Variants in NSRP1 observed in about 807,000 individuals in gnomAD.
The protein encoded by NSRP1 is nuclear speckle splicing regulatory protein 1, also known as coiled-coil domain containing 55.
In NSRP1, 24 loss-of-function variants were observed where a neutral mutation model predicts 54.7. That is an observed-to-expected ratio of 0.44 (90% confidence interval 0.32 to 0.62). The LOEUF is 0.62. NSRP1 is among the 20% of genes least tolerant of loss of function. The pLI is 0.06. For synonymous variants in NSRP1, 210 were observed against 213.8 expected (o/e 0.98, Z 0.15); for missense variants, 596 against 651.2 (o/e 0.92, Z 0.92).
intron 2 of NSRP1, among the ~76,000 whole-genome samples, chr17:30,145,781 G>T (rs2071849160): frequency 6.6e-6 from 1 of 151,362 alleles, no homozygotes; most frequent in Non-Finnish European, 1.5e-5. Context: ...TCATTATGTT[G>T]TATTTCCGTA....
At chr17:30,149,534 GA>G (rs1198889553) in intron 2 of NSRP1, among the ~76,000 whole-genome samples, 1 of 152,030 alleles carries the variant, frequency 6.6e-6, no homozygotes, top group Non-Finnish European at 1.5e-5. Context: ...CAACTTTATT[GA>G]GATAAAGTTC....
intron 2 of NSRP1, among the ~76,000 whole-genome samples, chr17:30,147,744 T>G (rs2071870350): frequency 6.6e-6 from 1 of 151,874 alleles, no homozygotes; most frequent in African/African-American, 2.4e-5. Flanking sequence ...ATTACAGGTG[T>G]GAGCCAGTGC....
chr17:30,184,732 T>G lies in NSRP1; in HGVS notation c.735T>G (p.Asp245Glu). The G allele has an allele frequency of 6.2e-7, 1 of 1,614,088 alleles. No homozygotes were observed. The highest frequency in any genetic ancestry group is 1.6e-4 in the Middle Eastern group (1 of 6,062). The change falls in exon 7 of 7, where the codon GAT becomes GAG. Residue 245 changes from aspartate to glutamate, a missense_variant. Transcript: ENST00000247026. ...QTDVKVEENP[D>E]ADSDFDAKSS... ...ATGTGAAAGTAGAGGAAAACCCAGA[T>G]GCAGACAGTGACTTCGATGCTAAGA...
intron 1 of NSRP1, chr17:30,117,564 C>T (rs975761616): frequency 2.6e-6 from 1 of 391,906 alleles, no homozygotes; most frequent in Non-Finnish European, 4.5e-6. Context: ...GCGAACTTGC[C>T]CCATGGCTAC....
At position 30,165,311 on chromosome 17, in the gene NSRP1, G is replaced by C. The variant is rs115729246; in HGVS notation, c.115-7231G>C. 1.8e-3 allele frequency among the ~76,000 whole-genome samples: 272 copies of C among 152,296 alleles called. 3 individuals carry two copies. The highest frequency in any genetic ancestry group is 6.3e-3 in the African/African-American group (260 of 41,560). On this transcript the variant is annotated intron_variant, in intron 2 of 6. Coordinates refer to ENST00000247026, the MANE Select transcript of NSRP1 (RefSeq NM_032141.4). Reference sequence around the variant, plus strand: ...ATGGCATAGGACTATGCACATACATGCACAGATGTGTATGTGTAAAAATGG... The same window carrying C: ...ATGGCATAGGACTATGCACATACATCCACAGATGTGTATGTGTAAAAATGG...
intron 2 of NSRP1, among the ~76,000 whole-genome samples, chr17:30,157,712 G>A (rs921535242): frequency 6.6e-6 from 1 of 151,532 alleles, no homozygotes; most frequent in African/African-American, 2.4e-5. Context: ...TATACTCTAT[G>A]TCCATGAGAT....
At chr17:30,131,624 C>G (rs754637528) in intron 2 of NSRP1, among the ~76,000 whole-genome samples, 1 of 152,120 alleles carries the variant, frequency 6.6e-6, no homozygotes, top group Non-Finnish European at 1.5e-5. Context: ...CTTTAGCCAG[C>G]AATAATCTTT....
intron 4 of NSRP1, among the ~76,000 whole-genome samples, chr17:30,178,838 G>GA (rs1227368286): frequency 1.3e-5 from 2 of 151,428 alleles, no homozygotes; most frequent in South Asian, 2.1e-4. Flanking sequence ...CCAGAAAAAA[G>GA]AAAAAAATTA....
At chr17:30,181,597 G>GTTTTTTTTTTTTTTTT (rs35525133) in intron 6 of NSRP1, among the ~76,000 whole-genome samples, 1 of 135,370 alleles carries the variant, frequency 7.4e-6, no homozygotes. Context: ...TGTGTGTGTG[G>GTTTTTTTTTTTTTTTT]TTTTTTTTTT....
intron 2 of NSRP1, among the ~76,000 whole-genome samples, chr17:30,168,380 A>T (rs933154244): frequency 1.3e-5 from 2 of 151,966 alleles, no homozygotes; most frequent in Non-Finnish European, 2.9e-5. Context: ...TTAAAGAATC[A>T]TAAAAATTAA....
chr17:30,173,284 G>A (rs891209998), intron 3 of NSRP1, among the ~76,000 whole-genome samples: 2 of 152,110 alleles, frequency 1.3e-5, no homozygotes, highest in Non-Finnish European at 2.9e-5. Flanking sequence ...TAAAAGACGT[G>A]CTTGTTTCCA....
intron 2 of NSRP1, chr17:30,150,161 A>C (rs2071892782): frequency 6.6e-6 from 1 of 151,710 alleles, no homozygotes; most frequent in South Asian, 2.1e-4. Context: ...GCTTACTGCA[A>C]CCTCTGCCTC....
chr17:30,185,180 G>C lies in NSRP1; in HGVS notation c.1183G>C (p.Asp395His), dbSNP rs375254014. 8 of 1,574,652 alleles carry C rather than the reference G, an allele frequency of 5.1e-6. No homozygotes were observed. The highest frequency in any genetic ancestry group is 1.9e-5 in the Admixed American group (1 of 52,854). ...ATATTCCCAAAGAGAACAAGAAAGAGATAGACAACAAAATGATCAGAACCG... is the reference window on the plus strand; with the variant it reads ...ATATTCCCAAAGAGAACAAGAAAGACATAGACAACAAAATGATCAGAACCG... ...EKYSQREQER[D>H]RQQNDQNRPS... Residue 395 changes from aspartate to histidine, a missense_variant, in exon 7 of 7, where the codon GAT becomes CAT. Transcript: ENST00000247026.
At chr17:30,148,061 C>T (rs796864103) in intron 2 of NSRP1, among the ~76,000 whole-genome samples, 6 of 152,072 alleles carry the variant, frequency 3.9e-5, no homozygotes, top group Non-Finnish European at 5.9e-5. Context: ...GTAATCAGCC[C>T]GCCTCAGCCT....
intron 2 of NSRP1, among the ~76,000 whole-genome samples, chr17:30,145,751 T>C (rs1480494253): frequency 6.6e-6 from 1 of 152,184 alleles, no homozygotes; most frequent in African/African-American, 2.4e-5. Flanking sequence ...ATACATTTTT[T>C]CCTGATTTGT....
chr17:30,176,611 C>CA (rs545308746), intron 3 of NSRP1, among the ~76,000 whole-genome samples: 10 of 120,712 alleles, frequency 8.3e-5, no homozygotes, highest in Non-Finnish European at 1.5e-4. Flanking sequence ...CTTCGTCCCC[C>CA]CCCCCCCAAA....
At chr17:30,166,015 G>A (rs887545186) in intron 2 of NSRP1, among the ~76,000 whole-genome samples, 2 of 152,028 alleles carry the variant, frequency 1.3e-5, no homozygotes, top group Non-Finnish European at 2.9e-5. Flanking sequence ...TACAGCTACT[G>A]TGTTCTCATA....
chr17:30,179,675 A>AT (rs1372392253), intron 5 of NSRP1, among the ~76,000 whole-genome samples: 1 of 152,112 alleles, frequency 6.6e-6, no homozygotes, highest in Non-Finnish European at 1.5e-5. Flanking sequence ...GGATGAGAAA[A>AT]TAATAGAGTA....
chr17:30,135,583 C>G (rs1367332499), intron 2 of NSRP1, among the ~76,000 whole-genome samples: 1 of 152,028 alleles, frequency 6.6e-6, no homozygotes, highest in East Asian at 1.9e-4. Flanking sequence ...ACGCCATTCT[C>G]CTGCCTCAGC....
Sources: gnomAD v4.1 joint callset for allele counts (sites outside exome capture counted in the v4.1 genomes callset) on GRCh38, gnomAD v4.1.1 for gene constraint, MANE v1.5 for transcripts, NCBI Gene and HGNC (gene_info 2026-07-23, HGNC 2026-07-21) for gene names.